BTBD1: variants seen among roughly 807,000 people sequenced by gnomAD.
BTBD1 encodes BTB domain containing 1.
A neutral mutation model predicts 48.0 loss-of-function variants in BTBD1; 34 were observed. The observed-to-expected ratio is 0.71, with a 90% CI of 0.54 to 0.94. The LOEUF is 0.94. Ranked by LOEUF, BTBD1 falls within the 40% of genes least tolerant of loss-of-function variation. The pLI, the probability that BTBD1 is intolerant of heterozygous loss-of-function variation, is 0.00. For missense variants in BTBD1, 543 were observed against 625.6 expected, an observed-to-expected ratio of 0.87 and a Z score of 1.41; for synonymous variants, 261 against 242.1, an observed-to-expected ratio of 1.08 and a Z score of -0.72.
chr15:83,040,061 C>T (rs1338038168), intron 4 of BTBD1, among the ~76,000 whole-genome samples: 1 of 151,418 alleles, frequency 6.6e-6, no homozygotes, highest in Non-Finnish European at 1.5e-5. Context: ...TAAAAAAGAA[C>T]AAAATCATGC....
intron 1 of BTBD1, among the ~76,000 whole-genome samples, chr15:83,060,846 T>C (rs1446943197): frequency 6.6e-6 from 1 of 152,170 alleles, no homozygotes; most frequent in Non-Finnish European, 1.5e-5. Flanking sequence ...AGGTGAATAC[T>C]TGATTTTATA....
intron 3 of BTBD1, chr15:83,044,317 G>T: frequency 3.0e-6 from 3 of 990,414 alleles, no homozygotes; most frequent in Non-Finnish European, 4.6e-6. Context: ...ACAGCAAGCT[G>T]CCCACGCCGA....
chr15:83,036,151 G>A (rs1304602726), intron 4 of BTBD1, among the ~76,000 whole-genome samples: 11 of 63,634 alleles, frequency 1.7e-4, no homozygotes, highest in African/African-American at 3.8e-4. Context: ...CTAAAAGAAA[G>A]CAAGAAAGGA....
intron 7 of BTBD1, 25 bp from the exon 8 acceptor site, chr15:83,018,250 A>C (rs564893568): frequency 1.3e-6 from 2 of 1,512,060 alleles, no homozygotes; most frequent in East Asian, 2.3e-5. Flanking sequence ...AAGGTTCCTT[A>C]GTAATTTTCA....
chr15:83,066,707 G>A (rs1257517644), intron 1 of BTBD1, 44 bp downstream of exon 1: 39 of 1,121,072 alleles, frequency 3.5e-5, no homozygotes, highest in South Asian at 8.6e-5. Context: ...AGCCCGGCCC[G>A]GCCCGGCCCG....
In BTBD1 at chr15:83,067,220, G is replaced by A. The variant is rs1484363050; in HGVS notation, c.-69C>T. On this transcript the variant is annotated 5_prime_UTR_variant, in exon 1 of 8. Coordinates refer to ENST00000261721, the MANE Select transcript of BTBD1 (RefSeq NM_025238.4). ...GCCATCGCCCAGGCCGCCTCCGGAG[G>A]CCGGCGCTGCCTCCCTGCCTTCCGG... The A allele has an allele frequency of 2.6e-5, 34 of 1,311,654 alleles. No individual in the cohort carries two copies. The highest frequency in any genetic ancestry group is 3.3e-5 in the Non-Finnish European group (34 of 1,027,032). 81.3% of individuals were successfully genotyped at this position (1,311,654 alleles called of 1,614,324 possible). A position where few individuals can be genotyped will look rare whatever the true frequency, so the allele number is the denominator to read the frequency against.
intron 4 of BTBD1, among the ~76,000 whole-genome samples, chr15:83,033,418 C>A (rs1196411541): frequency 1.3e-5 from 2 of 151,934 alleles, no homozygotes; most frequent in Non-Finnish European, 2.9e-5. Context: ...ATAGGCAAAT[C>A]AAAAGGATTA....
chr15:83,024,946 A>C lies in BTBD1; in HGVS notation c.1056-4184T>G, dbSNP rs182400030. On this transcript the variant is annotated intron_variant, in intron 5 of 7. Coordinates refer to ENST00000261721, the MANE Select transcript of BTBD1 (RefSeq NM_025238.4). ...CATTTATGTTAGGTTAGTTTCTGAC[A>C]TCTATAGTCTGTTCCATACAACACT... 2.6e-4 allele frequency among the ~76,000 whole-genome samples: 39 copies of C among 152,332 alleles called. No individual in the cohort carries two copies. In the East Asian group the frequency reaches 7.3e-3, roughly 29 times the overall value.
chr15:83,043,483 T>G (rs1398971322), intron 3 of BTBD1, among the ~76,000 whole-genome samples: 2 of 152,142 alleles, frequency 1.3e-5, no homozygotes, highest in Non-Finnish European at 2.9e-5. Flanking sequence ...CATTTTATGT[T>G]CTGAAAGGAT....
chr15:83,067,111 G>T lies in BTBD1; in HGVS notation c.41C>A (p.Ser14Ter). Residue 14 changes from serine (S) to a stop codon, truncating the protein, a stop_gained, in exon 1 of 8, where the codon TCG (serine) becomes TAG (stop). Transcript: ENST00000261721. LOFTEE classifies it high-confidence loss of function. Reference sequence around the variant, plus strand: ...GGGGCCCGGCTCCGCCTCAGCCCCCGACGCCTGCTCCCCAGCTGCGGCAGG... The same window carrying T: ...GGGGCCCGGCTCCGCCTCAGCCCCCTACGCCTGCTCCCCAGCTGCGGCAGG... Reference protein sequence around the residue: ...LGPAAAGEQASGAEAEPGPAG... With the variant: ...LGPAAAGEQA The T allele has an allele frequency of 6.8e-7, 1 of 1,470,410 alleles. No individual in the cohort carries two copies. Among genetic ancestry groups the T allele is most frequent in the South Asian group, 1.4e-5 (1 of 71,596 alleles). The allele number at this position is 1,470,410 out of a possible 1,614,324, so 91.1% of individuals were successfully genotyped here.
rs553935846 is a variant in BTBD1 at position 83,017,977 on chromosome 15, A to G, written c.*90T>C. ...TCTTATCTTACAATTTTAAATATTCATAACACTCAAACTACTTTTTTGTGG... is the reference window on the plus strand; with the variant it reads ...TCTTATCTTACAATTTTAAATATTCGTAACACTCAAACTACTTTTTTGTGG... On this transcript the variant is annotated 3_prime_UTR_variant, in exon 8 of 8. Coordinates refer to ENST00000261721, the MANE Select transcript of BTBD1 (RefSeq NM_025238.4). 6.2e-6 allele frequency: 5 copies of G among 805,118 alleles called. No individual in the cohort carries two copies. The highest frequency in any genetic ancestry group is 3.4e-4 in the Middle Eastern group (1 of 2,944). The allele number at this position is 805,118 out of a possible 1,614,324, so 49.9% of individuals were successfully genotyped here. A position where few individuals can be genotyped will look rare whatever the true frequency, so the allele number is the denominator to read the frequency against.
In BTBD1 at chr15:83,016,766, CAA is replaced by C. The variant is rs1417311808; in HGVS notation, c.*1299_*1300del. The C allele has an allele frequency of 1.3e-5, 2 of 152,134 alleles. No homozygotes were observed. The highest frequency in any genetic ancestry group is 2.9e-5 in the Non-Finnish European group (2 of 68,010). The allele number at this position is 152,134 out of a possible 1,614,324, so 9.4% of individuals were successfully genotyped here. On this transcript the variant is annotated 3_prime_UTR_variant, in exon 8 of 8. Coordinates refer to ENST00000261721, the MANE Select transcript of BTBD1 (RefSeq NM_025238.4). ...TAGAAAAATTTCCCTTTAGCAATTT[CAA>C]GAGACCTCAGCCACCAATATACCTA...
At chr15:83,040,397 A>C (rs569104808) in intron 4 of BTBD1, among the ~76,000 whole-genome samples, 2 of 152,108 alleles carry the variant, frequency 1.3e-5, no homozygotes, top group Non-Finnish European at 2.9e-5. Context: ...TAAAAGTTGA[A>C]ATTATTTTTT....
intron 5 of BTBD1, among the ~76,000 whole-genome samples, chr15:83,025,440 C>T (rs1338195936): frequency 6.8e-6 from 1 of 148,056 alleles, no homozygotes; most frequent in Non-Finnish European, 1.5e-5. Flanking sequence ...GAAAGAAATT[C>T]TCTAACATAC....
rs562814034 is a variant in BTBD1, at chr15:83,046,821, T to C, written c.664+3252A>G. Among the ~76,000 whole-genome samples the C allele has an allele frequency of 2.0e-5, 3 of 152,330 alleles. No individual in the cohort carries two copies. In the South Asian group the frequency reaches 6.2e-4, roughly 32 times the overall value. On this transcript the variant is annotated intron_variant, in intron 3 of 7. Transcript: ENST00000261721. ...TCAGTATATTATAAGCAGTGTATTA[T>C]TTGTTCCCAAGGTACTGTGCAATAC...
At chr15:83,038,547 T>C (rs1374961242) in intron 4 of BTBD1, among the ~76,000 whole-genome samples, 1 of 152,000 alleles carries the variant, frequency 6.6e-6, no homozygotes, top group African/African-American at 2.4e-5. Flanking sequence ...TAGAAAAATA[T>C]TCTAAAATAT....
chr15:83,022,932 C>A (rs1365948168), intron 5 of BTBD1, among the ~76,000 whole-genome samples: 3 of 152,040 alleles, frequency 2.0e-5, no homozygotes, highest in Non-Finnish European at 4.4e-5. Context: ...TGCACTCCAG[C>A]CTGGGCAACA....
intron 5 of BTBD1, among the ~76,000 whole-genome samples, chr15:83,021,578 T>A (rs552612290): frequency 1.3e-5 from 2 of 151,938 alleles, no homozygotes; most frequent in East Asian, 3.9e-4. Flanking sequence ...ACATGGCAAA[T>A]CCCTGTCTTT....
chr15:83,018,468 T>C (rs1474267899), intron 7 of BTBD1, among the ~76,000 whole-genome samples: 3 of 152,278 alleles, frequency 2.0e-5, no homozygotes, highest in African/African-American at 7.2e-5. Context: ...TTTTATTTTC[T>C]GCCAAACATT....
Sources: allele counts gnomAD v4.1 joint callset (sites outside exome capture counted in the v4.1 genomes callset), GRCh38; gene constraint gnomAD v4.1.1; transcripts MANE v1.5; gene names NCBI Gene and HGNC (gene_info 2026-07-23, HGNC 2026-07-21).